Variants in ZNF704 observed in about 807,000 individuals in gnomAD.
ZNF704 encodes the protein glucocorticoid induced gene 1.
A neutral mutation model predicts 44.7 loss-of-function variants in ZNF704; 10 were observed. The ratio of observed to expected loss-of-function variants is 0.22; its 90% CI spans 0.14 to 0.38. The LOEUF (loss-of-function observed/expected upper bound fraction) is 0.38. Among genes scored for constraint, ZNF704 ranks in the 10% least tolerant of loss-of-function variants. The pLI is 1.00. For missense variants in ZNF704, 390 were observed against 545.5 expected (o/e 0.71, Z 2.84); for synonymous variants, 211 against 207.6 (o/e 1.02, Z -0.14).
chr8:80,850,075 C>T (rs1396952046), intron 1 of ZNF704, among the ~76,000 whole-genome samples: 1 of 152,012 alleles, frequency 6.6e-6, no homozygotes, highest in African/African-American at 2.4e-5. Context: ...TATAATGTTG[C>T]TGGGTTTGTA....
chr8:80,805,591 C>A (rs1476246328), intron 2 of ZNF704, among the ~76,000 whole-genome samples: 2 of 152,058 alleles, frequency 1.3e-5, no homozygotes, highest in Non-Finnish European at 2.9e-5. Context: ...AGGATTTTTA[C>A]TTTTTTTCTT....
chr8:80,648,112 C>T (rs1817861288), intron 7 of ZNF704, among the ~76,000 whole-genome samples: 1 of 152,118 alleles, frequency 6.6e-6, no homozygotes, highest in South Asian at 2.1e-4. Context: ...CTGATAATGA[C>T]ACTAATCCAT....
chr8:80,859,098 G>T (rs1208023710), intron 1 of ZNF704, among the ~76,000 whole-genome samples: 4 of 151,936 alleles, frequency 2.6e-5, no homozygotes, highest in Non-Finnish European at 5.9e-5. Context: ...TTGACTCTTT[G>T]GGCTTTTGCT....
At chr8:80,652,027 T>C (rs2131597624) in intron 7 of ZNF704, among the ~76,000 whole-genome samples, 1 of 152,152 alleles carries the variant, frequency 6.6e-6, no homozygotes, top group African/African-American at 2.4e-5. Context: ...TCAAAACCGC[T>C]CAACTACATG....
At chr8:80,884,316 C>T in the ZNF704 span, among the ~76,000 whole-genome samples, 1 of 152,202 alleles carries the variant, frequency 6.6e-6, no homozygotes, top group Non-Finnish European at 1.5e-5. Context: ...GCAGAGGTTA[C>T]TTGCAACATT....
intron 7 of ZNF704, among the ~76,000 whole-genome samples, chr8:80,651,384 G>T (rs1207900968): frequency 4.5e-4 from 66 of 146,464 alleles, no homozygotes; most frequent in South Asian, 1.3e-3. Flanking sequence ...ATTGGATAAA[G>T]AGTCAAGACC....
chr8:80,633,218 T>C lies in ZNF704; in HGVS notation c.*8148A>G, dbSNP rs1817614862. The C allele has an allele frequency of 6.6e-6, 1 of 152,194 alleles. No individual in the cohort carries two copies. The highest frequency in any genetic ancestry group is 2.1e-4 in the South Asian group (1 of 4,822). The allele number at this position is 152,194 out of a possible 1,614,324, so 9.4% of individuals were successfully genotyped here. ...TGATTTGATCATTACAGATTATAAA[T>C]TTGAGCTGGTTTTAAAATTTCTGGC... On this transcript the variant is annotated 3_prime_UTR_variant, in exon 9 of 9. Coordinates refer to ENST00000327835, the MANE Select transcript of ZNF704 (RefSeq NM_001033723.3).
At chr8:80,745,873 A>G (rs1389581090) in intron 2 of ZNF704, among the ~76,000 whole-genome samples, 1 of 152,200 alleles carries the variant, frequency 6.6e-6, no homozygotes, top group Non-Finnish European at 1.5e-5. Context: ...AAACAGGAAC[A>G]AGCAGGCCCT....
At chr8:80,849,164 A>T (rs1172000975) in intron 1 of ZNF704, among the ~76,000 whole-genome samples, 1 of 152,160 alleles carries the variant, frequency 6.6e-6, no homozygotes, top group Non-Finnish European at 1.5e-5. Context: ...AAATGCATAG[A>T]CTTGTTTCTC....
At chr8:80,665,957 T>TTTTA (rs561260184) in intron 5 of ZNF704, among the ~76,000 whole-genome samples, 1 of 145,670 alleles carries the variant, frequency 6.9e-6, no homozygotes, top group African/African-American at 2.7e-5. Flanking sequence ...GTTCTTTATT[T>TTTTA]TTTATTTATT....
chr8:80,835,570 C>T (rs745324671), intron 1 of ZNF704, among the ~76,000 whole-genome samples: 1 of 152,174 alleles, frequency 6.6e-6, no homozygotes, highest in Non-Finnish European at 1.5e-5. Context: ...AGTAAATCAG[C>T]ACTTCACACA....
intron 2 of ZNF704, among the ~76,000 whole-genome samples, chr8:80,808,624 G>C (rs1475849619): frequency 6.6e-6 from 1 of 152,090 alleles, no homozygotes; most frequent in African/African-American, 2.4e-5. Context: ...CCCAACAGAG[G>C]CTACAATTCT....
chr8:80,802,580 G>A (rs1807919928), intron 2 of ZNF704, among the ~76,000 whole-genome samples: 1 of 151,980 alleles, frequency 6.6e-6, no homozygotes, highest in Non-Finnish European at 1.5e-5. Context: ...CAAAACTAAA[G>A]ACAAAAAACA....
At chr8:80,797,281 C>G (rs1160755173) in intron 2 of ZNF704, among the ~76,000 whole-genome samples, 1 of 152,112 alleles carries the variant, frequency 6.6e-6, no homozygotes, top group Non-Finnish European at 1.5e-5. Context: ...TCTCACAGCT[C>G]CACTAGGCAA....
At chr8:80,834,451 C>T (rs1268362688) in intron 1 of ZNF704, among the ~76,000 whole-genome samples, 1 of 152,192 alleles carries the variant, frequency 6.6e-6, no homozygotes, top group Non-Finnish European at 1.5e-5. Flanking sequence ...GTCCAAACCA[C>T]ACAACTACAC....
chr8:80,642,537 G>C (rs1817760385), intron 8 of ZNF704, among the ~76,000 whole-genome samples: 1 of 152,208 alleles, frequency 6.6e-6, no homozygotes, highest in African/African-American at 2.4e-5. Flanking sequence ...ACACTACTCA[G>C]AATGGTGTGC....
intron 7 of ZNF704, among the ~76,000 whole-genome samples, chr8:80,654,451 G>T (rs1482290872): frequency 1.3e-5 from 2 of 151,978 alleles, no homozygotes; most frequent in African/African-American, 2.4e-5. Context: ...TCTGACAAAG[G>T]GCTAATATCC....
At chr8:80,867,651 T>A (rs1809178681) in intron 1 of ZNF704, among the ~76,000 whole-genome samples, 1 of 152,142 alleles carries the variant, frequency 6.6e-6, no homozygotes, top group Non-Finnish European at 1.5e-5. Context: ...TGCCTTTTGC[T>A]CGAGCCAACA....
At chr8:80,807,539 C>A (rs1023727162) in intron 2 of ZNF704, among the ~76,000 whole-genome samples, 18 of 151,362 alleles carry the variant, frequency 1.2e-4, no homozygotes, top group African/African-American at 1.9e-4. Flanking sequence ...TGACCCCCCC[C>A]AAAAAAAAGT....
Sources: gnomAD v4.1 joint callset for allele counts (sites outside exome capture counted in the v4.1 genomes callset) on GRCh38, gnomAD v4.1.1 for gene constraint, MANE v1.5 for transcripts, NCBI Gene and HGNC (gene_info 2026-07-23, HGNC 2026-07-21) for gene names.